The following PLPPR4 variants were observed in gnomAD, a reference collection of about 807,000 sequenced individuals.
The protein encoded by PLPPR4 is phospholipid phosphatase related 4.
A neutral mutation model predicts 56.6 loss-of-function variants in PLPPR4; 24 were observed. The observed-to-expected ratio is 0.42, with a 90% confidence interval of 0.31 to 0.60. The LOEUF (loss-of-function observed/expected upper bound fraction) is 0.60. PLPPR4 is among the 20% of genes least tolerant of loss of function. The probability of loss-of-function intolerance (pLI) is 0.13; values close to 1 mark genes in which losing one functional copy is unlikely to be tolerated. For synonymous variants in PLPPR4, 326 were observed against 328.1 expected, an observed-to-expected ratio of 0.99 and a Z score of 0.07; for missense variants, 654 against 885.8, an observed-to-expected ratio of 0.74 and a Z score of 3.32.
At chr1:99,266,709 A>G (rs953662040) in intron 1 of PLPPR4, among the ~76,000 whole-genome samples, 3 of 152,232 alleles carry the variant, frequency 2.0e-5, no homozygotes, top group Non-Finnish European at 4.4e-5. Flanking sequence ...CTTGGGGTTA[A>G]CAGACTTCAA....
chr1:99,286,951 G>A (rs1452390785), intron 1 of PLPPR4, among the ~76,000 whole-genome samples: 1 of 152,132 alleles, frequency 6.6e-6, no homozygotes, highest in Admixed American at 6.6e-5. Flanking sequence ...GGATACATGT[G>A]CAGAATGTGC....
At chr1:99,269,777 A>T (rs1659002505) in intron 1 of PLPPR4, among the ~76,000 whole-genome samples, 1 of 152,182 alleles carries the variant, frequency 6.6e-6, no homozygotes, top group South Asian at 2.1e-4. Context: ...AGGGCTACAG[A>T]TAGAGAAAAG....
At chr1:99,291,130 A>G (rs1413480155) in intron 2 of PLPPR4, among the ~76,000 whole-genome samples, 1 of 152,176 alleles carries the variant, frequency 6.6e-6, no homozygotes, top group African/African-American at 2.4e-5. Flanking sequence ...GGCAAAGGAC[A>G]TGAACAGACA....
At chr1:99,268,961 T>A (rs1658979316) in intron 1 of PLPPR4, among the ~76,000 whole-genome samples, 1 of 152,160 alleles carries the variant, frequency 6.6e-6, no homozygotes, top group East Asian at 1.9e-4. Context: ...AGTTCTGGGG[T>A]ACATGTGCAG....
intron 1 of PLPPR4, among the ~76,000 whole-genome samples, chr1:99,283,786 C>T (rs1388296915): frequency 6.9e-6 from 1 of 144,766 alleles, no homozygotes; most frequent in Non-Finnish European, 1.5e-5. Context: ...CGCGTCTCTA[C>T]TAAAAATACA....
chr1:99,301,334 A>G (rs938783359), intron 5 of PLPPR4, among the ~76,000 whole-genome samples: 1 of 151,890 alleles, frequency 6.6e-6, no homozygotes, highest in Non-Finnish European at 1.5e-5. Context: ...CTACTTTAGT[A>G]TTTCTGTAAC....
intron 2 of PLPPR4, among the ~76,000 whole-genome samples, chr1:99,291,196 A>ATCAC (rs1659611901): frequency 6.6e-6 from 1 of 152,212 alleles, no homozygotes; most frequent in Non-Finnish European, 1.5e-5. Context: ...AAAGCTCAAC[A>ATCAC]TCACTGATCA....
chr1:99,303,055 T>G (rs1659925265), intron 6 of PLPPR4, among the ~76,000 whole-genome samples: 1 of 152,134 alleles, frequency 6.6e-6, no homozygotes, highest in Non-Finnish European at 1.5e-5. Flanking sequence ...ATTTTAGGAA[T>G]AGCAAACTGC....
At chr1:99,279,968 T>A (rs1468971699) in intron 1 of PLPPR4, among the ~76,000 whole-genome samples, 1 of 152,148 alleles carries the variant, frequency 6.6e-6, no homozygotes, top group Admixed American at 6.5e-5. Flanking sequence ...AAGACAGATC[T>A]CAGATTGGAA....
chr1:99,273,506 A>G (rs1659109201), intron 1 of PLPPR4, among the ~76,000 whole-genome samples: 1 of 152,110 alleles, frequency 6.6e-6, no homozygotes, highest in South Asian at 2.1e-4. Context: ...GTAAACTGCC[A>G]TTTAATGAAA....
intron 2 of PLPPR4, among the ~76,000 whole-genome samples, chr1:99,296,477 C>T (rs1361043744): frequency 6.6e-6 from 1 of 152,110 alleles, no homozygotes; most frequent in Non-Finnish European, 1.5e-5. Context: ...GGTTTATGGA[C>T]CTAATCTGCT....
chr1:99,273,921 G>A (rs1242362615), intron 1 of PLPPR4, among the ~76,000 whole-genome samples: 1 of 152,034 alleles, frequency 6.6e-6, no homozygotes, highest in Admixed American at 6.6e-5. Context: ...TTGAACAGTT[G>A]AAGATTAGAT....
intron 1 of PLPPR4, among the ~76,000 whole-genome samples, chr1:99,267,329 T>C (rs943837700): frequency 6.6e-6 from 1 of 152,212 alleles, no homozygotes; most frequent in Non-Finnish European, 1.5e-5. Context: ...GAAATCAAGA[T>C]GGACTGAGTT....
intron 1 of PLPPR4, among the ~76,000 whole-genome samples, chr1:99,282,076 T>C (rs1342371794): frequency 6.6e-6 from 1 of 152,190 alleles, no homozygotes. Flanking sequence ...TGGACTCTCC[T>C]GTTAGCTCCA....
chr1:99,273,975 TAC>T (rs1659120175), intron 1 of PLPPR4, among the ~76,000 whole-genome samples: 1 of 152,104 alleles, frequency 6.6e-6, no homozygotes, highest in Non-Finnish European at 1.5e-5. Context: ...TAATTGTACT[TAC>T]GTTCATTTTA....
intron 1 of PLPPR4, among the ~76,000 whole-genome samples, chr1:99,267,569 T>C (rs1658934604): frequency 6.6e-6 from 1 of 152,234 alleles, no homozygotes; most frequent in African/African-American, 2.4e-5. Context: ...ATTGAATATA[T>C]TATGAGGTTA....
chr1:99,271,222 A>G (rs1346113286), intron 1 of PLPPR4, among the ~76,000 whole-genome samples: 1 of 152,198 alleles, frequency 6.6e-6, no homozygotes, highest in East Asian at 1.9e-4. Context: ...CTCTAGATAC[A>G]TTACTTTTAG....
intron 1 of PLPPR4, among the ~76,000 whole-genome samples, chr1:99,275,949 T>TCACA (rs1232339271): frequency 1.3e-5 from 2 of 152,032 alleles, no homozygotes; most frequent in Admixed American, 1.3e-4. Flanking sequence ...ACCCTAAGAA[T>TCACA]CACAAGGACT....
intron 1 of PLPPR4, among the ~76,000 whole-genome samples, chr1:99,265,243 T>A (rs1658866008): frequency 6.7e-6 from 1 of 150,074 alleles, no homozygotes; most frequent in African/African-American, 2.4e-5. Context: ...ATCAATGTAC[T>A]GGCCTCTTTC....
Sources: allele counts gnomAD v4.1 joint callset (sites outside exome capture counted in the v4.1 genomes callset), GRCh38; gene constraint gnomAD v4.1.1; transcripts MANE v1.5; gene names NCBI Gene and HGNC (gene_info 2026-07-23, HGNC 2026-07-21).